The following MX2 variants were observed in gnomAD, a reference collection of about 807,000 sequenced individuals.
MX2 encodes interferon-induced GTP-binding protein Mx2.
A neutral mutation model predicts 74.0 loss-of-function variants in MX2; 51 were observed. The observed-to-expected ratio is 0.69, with a 90% CI of 0.55 to 0.87. The LOEUF (loss-of-function observed/expected upper bound fraction) is 0.87. Ranked by LOEUF, MX2 falls within the 40% of genes least tolerant of loss-of-function variation. The pLI, the probability that MX2 is intolerant of heterozygous loss-of-function variation, is 0.00. For missense variants in MX2, 832 were observed against 908.7 expected, an observed-to-expected ratio of 0.92 and a Z score of 1.09; for synonymous variants, 369 against 339.3, an observed-to-expected ratio of 1.09 and a Z score of -0.96.
chr21:41,364,898 T>C (rs1601386293), intron 1 of MX2: 1 of 152,350 alleles, frequency 6.6e-6, no homozygotes, highest in East Asian at 1.9e-4. Context: ...GCTGATTAGA[T>C]GGTGCCCACC....
At chr21:41,386,073 G>A (rs930500436) in intron 5 of MX2, among the ~76,000 whole-genome samples, 1 of 151,820 alleles carries the variant, frequency 6.6e-6, no homozygotes, top group Admixed American at 6.6e-5. Context: ...GGCCGAGGCG[G>A]GTAGATCACC....
chr21:41,371,074 G>C (rs1440290074), intron 1 of MX2, among the ~76,000 whole-genome samples: 3 of 152,198 alleles, frequency 2.0e-5, no homozygotes, highest in Non-Finnish European at 4.4e-5. Flanking sequence ...CGTGGTTGCA[G>C]GATTGAAATC....
intron 12 of MX2, chr21:41,403,864 T>C: frequency 3.1e-6 from 1 of 321,618 alleles, no homozygotes; most frequent in East Asian, 8.3e-5. Context: ...TCTCATTCCA[T>C]AGTGCAGGCA....
At chr21:41,370,850 G>T (rs577338574) in intron 1 of MX2, among the ~76,000 whole-genome samples, 2 of 152,296 alleles carry the variant, frequency 1.3e-5, no homozygotes, top group East Asian at 3.9e-4. Flanking sequence ...AGGTAATTAT[G>T]TGTTGGAATT....
At position 41,379,937 on chromosome 21, in the gene MX2, AG is replaced by A. The variant is rs1037449382; in HGVS notation, c.443-77del. ...TGCAGACGAGGCCTTTGGGGACAGCAGGGCAGGTTCTGGGAGCGAAGGGCCC... is the reference window on the plus strand; with the variant it reads ...TGCAGACGAGGCCTTTGGGGACAGCAGGCAGGTTCTGGGAGCGAAGGGCCC... On this transcript the variant is annotated intron_variant, in intron 3 of 13. Transcript: ENST00000330714. 9.2e-5 allele frequency: 144 copies of A among 1,562,442 alleles called. 1 individual carries two copies. In the Admixed American group the frequency reaches 2.5e-3, roughly 27 times the overall value.
chr21:41,370,711 C>T (rs575448468), intron 1 of MX2: 13 of 152,354 alleles, frequency 8.5e-5, no homozygotes, highest in African/African-American at 3.1e-4. Context: ...TGAAAAGCAT[C>T]AGGGTGCTCA....
Position 41,403,342 on chromosome 21 carries a change from A to G in MX2, c.1649A>G (p.Gln550Arg). The change falls in exon 12 of 14, where the codon CAG becomes CGG. Residue 550 changes from glutamine to arginine, a missense_variant and splice_region_variant. Gln to Arg is a conservative substitution (Grantham distance 43). Transcript: ENST00000330714. ...GEFFNLNQTV[Q>R]STIEDIKVKH... is the part of the protein sequence containing the mutation. ...TTTTTCAACCTTAACCAAACTGTTCAGGTAAGCACCCAGAGTTCACTTGCT... is the reference window on the plus strand; with the variant it reads ...TTTTTCAACCTTAACCAAACTGTTCGGGTAAGCACCCAGAGTTCACTTGCT... The G allele has an allele frequency of 2.5e-6, 4 of 1,612,390 alleles. No homozygotes were observed. The highest frequency in any genetic ancestry group is 3.4e-6 in the Non-Finnish European group (4 of 1,178,502).
chr21:41,377,645 C>A, intron 2 of MX2, 144 bp from the exon 3 acceptor site: 1 of 805,918 alleles, frequency 1.2e-6, no homozygotes. Flanking sequence ...CCCCTGAAAG[C>A]AGCAGCACCC....
chr21:41,383,081 A>G (rs2089520037), intron 5 of MX2, among the ~76,000 whole-genome samples: 1 of 152,212 alleles, frequency 6.6e-6, no homozygotes. Context: ...ACATGAGGCC[A>G]GGCACGGTGG....
chr21:41,396,309 T>G (rs2089734270), intron 7 of MX2, among the ~76,000 whole-genome samples: 2 of 152,228 alleles, frequency 1.3e-5, no homozygotes, highest in Admixed American at 6.5e-5. Context: ...AAATAGAAAC[T>G]TAATAATAAC....
chr21:41,395,663 C>A lies in MX2; in HGVS notation c.948C>A (p.Tyr316Ter). 1 of 1,614,174 alleles carries A rather than the reference C, an allele frequency of 6.2e-7. No homozygotes were observed. Among genetic ancestry groups the A allele is most frequent in the Non-Finnish European group, 8.5e-7 (1 of 1,180,036 alleles). ...SVMNVVRNLT[Y>*]PLKKGYMIVK... ...TGAATGTGGTGCGGAACCTCACGTA[C>A]CCCCTCAAGAAGGGCTACATGATTG... is the stretch of plus-strand genomic sequence containing the variant. Residue 316 changes from tyrosine (Y) to a stop codon, truncating the protein, a stop_gained, in exon 7 of 14, where the codon TAC becomes TAA. Transcript: ENST00000330714. LOFTEE classifies it high-confidence loss of function.
intron 1 of MX2, among the ~76,000 whole-genome samples, chr21:41,372,631 T>G (rs939372452): frequency 1.3e-5 from 2 of 152,224 alleles, no homozygotes; most frequent in Non-Finnish European, 2.9e-5. Context: ...CTTTGGATAT[T>G]GGGTAGCTTC....
In MX2 at chr21:41,390,827, A is replaced by C. The variant is rs2145925741; in HGVS notation, c.871+124A>C. The C allele has an allele frequency of 3.7e-6, 4 of 1,078,336 alleles. No homozygotes were observed. The East Asian group carries it at 8.0e-5, about 22-fold the overall frequency. The allele number at this position is 1,078,336 out of a possible 1,614,324, so 66.8% of individuals were successfully genotyped here. A position where few individuals can be genotyped will look rare whatever the true frequency, so the allele number is the denominator to read the frequency against. ...GAGAACATCCTGGCTAATCCGGTGAAACCTCGTCTCCACTAAAAATACAAA... is the reference window on the plus strand; with the variant it reads ...GAGAACATCCTGGCTAATCCGGTGACACCTCGTCTCCACTAAAAATACAAA... On this transcript the variant is annotated intron_variant, in intron 6 of 13. Coordinates refer to ENST00000330714, the MANE Select transcript of MX2 (RefSeq NM_002463.2).
In MX2 at chr21:41,380,185, C is replaced by T; in HGVS notation, c.577+34C>T. The stretch of plus-strand genomic sequence containing the variant: ...ACGTCATTCTGAGGTTCGGATCTGG[C>T]AGCCGCTCCTCTCACTTCCTCGGTT... On this transcript the variant is annotated intron_variant, in intron 4 of 13. Coordinates refer to ENST00000330714, the MANE Select transcript of MX2 (RefSeq NM_002463.2). This position sits in a 1 kb window ranked among gnomAD's most constrained non-coding sequence, Gnocchi z 4.3. 1.2e-6 allele frequency: 2 copies of T among 1,612,392 alleles called. No homozygotes were observed. The highest frequency in any genetic ancestry group is 2.2e-5 in the South Asian group (2 of 90,970).
At position 41,402,888 on chromosome 21, in the gene MX2, TGC is replaced by T. The variant is rs2089832787; in HGVS notation, c.1574-378_1574-377del. On this transcript the variant is annotated intron_variant, in intron 11 of 13. Coordinates refer to ENST00000330714, the MANE Select transcript of MX2 (RefSeq NM_002463.2). The surrounding 1 kb of genome is among the most constrained non-coding windows in gnomAD (Gnocchi z 4.5). ...GGTTTGTGCTCCTGTGAGAATCTAG[TGC>T]CACCGCAGATCTGAAAAGAGGTGGG... The T allele has an allele frequency of 4.6e-6, 1 of 219,014 alleles. No homozygotes were observed. The highest frequency in any genetic ancestry group is 7.1e-5 in the South Asian group (1 of 14,022). 13.6% of individuals were successfully genotyped at this position (219,014 alleles called of 1,614,324 possible).
intron 5 of MX2, among the ~76,000 whole-genome samples, chr21:41,387,031 A>G (rs188904231): frequency 6.6e-6 from 1 of 152,330 alleles, no homozygotes; most frequent in Admixed American, 6.5e-5. Context: ...AGGTTGGACA[A>G]GCTTAGTCAT....
chr21:41,366,708 G>A lies in MX2; in HGVS notation c.-72+4653G>A. On this transcript the variant is annotated intron_variant, in intron 1 of 13. Coordinates refer to ENST00000330714, the MANE Select transcript of MX2 (RefSeq NM_002463.2). This position sits in a 1 kb window ranked among gnomAD's most constrained non-coding sequence, Gnocchi z 4.5. ...CTCCGCCCCATATTGTTCAGCCCTG[G>A]CACCCTGTGTTGTGCGTGGAGTCCC... The A allele has an allele frequency of 6.6e-6, 1 of 152,418 alleles. No homozygotes were observed. Among genetic ancestry groups the A allele is most frequent in the Non-Finnish European group, 1.5e-5 (1 of 68,144 alleles). 9.4% of individuals were successfully genotyped at this position (152,418 alleles called of 1,614,324 possible).
chr21:41,362,621 T>C (rs1274198424), intron 1 of MX2, among the ~76,000 whole-genome samples: 3 of 151,940 alleles, frequency 2.0e-5, no homozygotes, highest in South Asian at 2.1e-4. Flanking sequence ...TCCCAGCCAG[T>C]AGGGGCCAAC....
chr21:41,392,739 G>A (rs2089677277), intron 6 of MX2, among the ~76,000 whole-genome samples: 1 of 152,108 alleles, frequency 6.6e-6, no homozygotes, highest in Non-Finnish European at 1.5e-5. Context: ...GAGCAGGGGG[G>A]AGCATCCTAT....
Sources: gnomAD v4.1 joint callset for allele counts (sites outside exome capture counted in the v4.1 genomes callset) on GRCh38, gnomAD v4.1.1 for gene constraint, Gnocchi (gnomAD v3.1) non-coding constraint, MANE v1.5 for transcripts, NCBI Gene and HGNC (gene_info 2026-07-23, HGNC 2026-07-21) for gene names.